The following NSMCE2 variants were observed in gnomAD, a reference collection of about 807,000 sequenced individuals.
NSMCE2 encodes the protein E3 SUMO-protein ligase NSE2.
Under a neutral mutation model 23.8 loss-of-function variants are expected in NSMCE2, and 24 were observed. That is an observed-to-expected ratio of 1.01 (90% confidence interval 0.73 to 1.42). The LOEUF (loss-of-function observed/expected upper bound fraction) is 1.42, where lower values mean the gene tolerates loss of function less well. Ranked by LOEUF, NSMCE2 falls within the 40% of genes most tolerant of loss-of-function variation. The pLI is 0.00. For synonymous variants in NSMCE2, 92 were observed against 94.1 expected (o/e 0.98, Z 0.13); for missense variants, 284 against 296.5 (o/e 0.96, Z 0.31).
chr8:125,109,308 ACT>A (rs1384222037), intron 3 of NSMCE2, among the ~76,000 whole-genome samples: 1 of 152,318 alleles, frequency 6.6e-6, no homozygotes, highest in East Asian at 1.9e-4. Flanking sequence ...TTTACAAATT[ACT>A]TAGAATAGTA....
intron 5 of NSMCE2, among the ~76,000 whole-genome samples, chr8:125,218,609 G>A (rs187928555): frequency 2.6e-5 from 4 of 151,800 alleles, no homozygotes; most frequent in Middle Eastern, 3.2e-3. Context: ...GTGGGGTTTC[G>A]CCATGTTGGC....
At chr8:125,253,828 G>C (rs1826295749) in intron 5 of NSMCE2, among the ~76,000 whole-genome samples, 2 of 152,110 alleles carry the variant, frequency 1.3e-5, no homozygotes, top group South Asian at 4.1e-4. Context: ...AAAAGAAAAA[G>C]TTTATTCCTT....
At chr8:125,166,868 G>C (rs1242384403) in intron 4 of NSMCE2, among the ~76,000 whole-genome samples, 1 of 152,190 alleles carries the variant, frequency 6.6e-6, no homozygotes, top group East Asian at 1.9e-4. Context: ...CCTCAGGATA[G>C]ATAACTCAAA....
At chr8:125,346,320 G>A (rs1254453670) in intron 5 of NSMCE2, among the ~76,000 whole-genome samples, 2 of 152,212 alleles carry the variant, frequency 1.3e-5, no homozygotes, top group African/African-American at 4.8e-5. Context: ...AAATGAAGAG[G>A]AGGAGACAGA....
chr8:125,241,032 A>G (rs1471260316), intron 5 of NSMCE2, among the ~76,000 whole-genome samples: 2 of 152,118 alleles, frequency 1.3e-5, no homozygotes, highest in Non-Finnish European at 2.9e-5. Flanking sequence ...AGTGTTTTGG[A>G]TTTCAGACTT....
At chr8:125,348,796 C>A (rs1002086364) in intron 5 of NSMCE2, 1 of 152,148 alleles carries the variant, frequency 6.6e-6, no homozygotes. Flanking sequence ...CATTAAACTT[C>A]TTTCCTTTAA....
intron 4 of NSMCE2, among the ~76,000 whole-genome samples, chr8:125,181,130 A>T (rs1822784545): frequency 6.6e-6 from 1 of 152,208 alleles, no homozygotes; most frequent in Non-Finnish European, 1.5e-5. Context: ...CAGCAAAGTG[A>T]TAAGGCAGCA....
At chr8:125,249,347 A>G (rs1826115496) in intron 5 of NSMCE2, among the ~76,000 whole-genome samples, 1 of 152,146 alleles carries the variant, frequency 6.6e-6, no homozygotes, top group Non-Finnish European at 1.5e-5. Context: ...GTAAGTTTGG[A>G]TGATAGCATC....
At chr8:125,182,678 G>A (rs184389051) in intron 5 of NSMCE2, 1 of 206,474 alleles carries the variant, frequency 4.8e-6, no homozygotes, top group East Asian at 1.1e-4. Context: ...TTTTCTCTCA[G>A]AAGACCACTT....
At chr8:125,094,898 G>T (rs1477444587) in intron 1 of NSMCE2, among the ~76,000 whole-genome samples, 2 of 152,108 alleles carry the variant, frequency 1.3e-5, no homozygotes, top group Non-Finnish European at 2.9e-5. Flanking sequence ...CTGTTGCCCA[G>T]GCTGGAGTGC....
At chr8:125,210,029 G>A (rs1301703606) in intron 5 of NSMCE2, among the ~76,000 whole-genome samples, 1 of 152,210 alleles carries the variant, frequency 6.6e-6, no homozygotes, top group Non-Finnish European at 1.5e-5. Context: ...CTACAGAATA[G>A]TCACAGTTCA....
chr8:125,306,552 A>C (rs1377642878), intron 5 of NSMCE2, among the ~76,000 whole-genome samples: 1 of 152,158 alleles, frequency 6.6e-6, no homozygotes, highest in Non-Finnish European at 1.5e-5. Flanking sequence ...GAAATTTCTT[A>C]GATTTTTTTT....
intron 5 of NSMCE2, among the ~76,000 whole-genome samples, chr8:125,233,903 A>G (rs957467180): frequency 3.3e-5 from 5 of 151,394 alleles, no homozygotes; most frequent in Non-Finnish European, 7.4e-5. Flanking sequence ...CTGACCGGGC[A>G]TGGTGGCTCA....
intron 5 of NSMCE2, among the ~76,000 whole-genome samples, chr8:125,226,619 T>A (rs1825107999): frequency 6.6e-6 from 1 of 152,156 alleles, no homozygotes; most frequent in Non-Finnish European, 1.5e-5. Flanking sequence ...TTCTGACTCC[T>A]GGAGGACGAA....
At chr8:125,339,428 T>TG (rs1830164403) in intron 5 of NSMCE2, among the ~76,000 whole-genome samples, 1 of 152,092 alleles carries the variant, frequency 6.6e-6, no homozygotes, top group Admixed American at 6.6e-5. Context: ...CACACAGTGG[T>TG]GAGCGGGTGG....
intron 3 of NSMCE2, among the ~76,000 whole-genome samples, chr8:125,141,657 A>G (rs1237244857): frequency 6.6e-6 from 1 of 152,126 alleles, no homozygotes; most frequent in Non-Finnish European, 1.5e-5. Flanking sequence ...TCCTCTCTTC[A>G]TTCCCAAGTG....
chr8:125,274,612 T>C (rs1394140004), intron 5 of NSMCE2, among the ~76,000 whole-genome samples: 3 of 152,280 alleles, frequency 2.0e-5, no homozygotes, highest in Non-Finnish European at 2.9e-5. Context: ...TCAGTTTCAC[T>C]GACAAGGAAT....
chr8:125,151,335 A>G, intron 4 of NSMCE2, 58 bp downstream of exon 4: 1 of 825,924 alleles, frequency 1.2e-6, no homozygotes, highest in Non-Finnish European at 2.0e-6. Flanking sequence ...ACCGAGAAGT[A>G]GAAACACAAA....
intron 3 of NSMCE2, among the ~76,000 whole-genome samples, chr8:125,128,620 G>T (rs1819618309): frequency 6.6e-6 from 1 of 152,098 alleles, no homozygotes; most frequent in African/African-American, 2.4e-5. Context: ...ATCTTAACTG[G>T]GCTAAAAGCA....
Sources: allele counts gnomAD v4.1 joint callset (sites outside exome capture counted in the v4.1 genomes callset), GRCh38; gene constraint gnomAD v4.1.1; transcripts MANE v1.5; gene names NCBI Gene and HGNC (gene_info 2026-07-23, HGNC 2026-07-21).